The following PPP2R2C variants were observed in gnomAD, a reference collection of about 807,000 sequenced individuals.
PPP2R2C encodes protein phosphatase 2, regulatory subunit B, gamma.
Under a neutral mutation model 45.3 loss-of-function variants are expected in PPP2R2C, and 10 were observed. That is an observed-to-expected ratio of 0.22 (90% CI 0.14 to 0.37). The LOEUF is 0.37. Ranked by LOEUF, PPP2R2C falls within the 10% of genes least tolerant of loss-of-function variation. The probability of loss-of-function intolerance (pLI) is 1.00; values close to 1 mark genes in which losing one functional copy is unlikely to be tolerated. For synonymous variants in PPP2R2C, 257 were observed against 245.4 expected (o/e 1.05, Z -0.44); for missense variants, 308 against 619.7 (o/e 0.50, Z 5.34).
At chr4:6,351,435 A>T (rs1479591111) in intron 5 of PPP2R2C, 15 of 871,316 alleles carry the variant, frequency 1.7e-5, no homozygotes, top group Non-Finnish European at 2.1e-5. Context: ...GGGCACGGAC[A>T]CTCAATCGAG....
chr4:6,499,751 G>C (rs1722987519), intron 2 of PPP2R2C, among the ~76,000 whole-genome samples: 1 of 149,536 alleles, frequency 6.7e-6, no homozygotes, highest in African/African-American at 2.5e-5. Context: ...AAACAGAATG[G>C]ACCATTGAAC....
intron 5 of PPP2R2C, among the ~76,000 whole-genome samples, chr4:6,352,942 G>A (rs1208621788): frequency 6.6e-6 from 1 of 152,138 alleles, no homozygotes; most frequent in Admixed American, 6.5e-5. Flanking sequence ...AGACAGAAGA[G>A]GAGACACCAG....
chr4:6,355,648 C>T (rs1169643940), intron 5 of PPP2R2C, among the ~76,000 whole-genome samples: 1 of 151,678 alleles, frequency 6.6e-6, no homozygotes, highest in Non-Finnish European at 1.5e-5. Flanking sequence ...TCAAAGGAGC[C>T]GTCCCCCTGC....
At chr4:6,542,980 G>C (rs534093930) in intron 1 of PPP2R2C, among the ~76,000 whole-genome samples, 1 of 152,250 alleles carries the variant, frequency 6.6e-6, no homozygotes, top group Non-Finnish European at 1.5e-5. Context: ...AAAAAGCAGG[G>C]AGGCCTGCAT....
In PPP2R2C at chr4:6,372,752, G is replaced by A. The variant is rs1286976386; in HGVS notation, c.448-52C>T. 3 of 1,563,258 alleles carry A rather than the reference G, an allele frequency of 1.9e-6. No homozygotes were observed. In the Admixed American group the frequency reaches 5.0e-5, roughly 26 times the overall value. On this transcript the variant is annotated intron_variant, in intron 4 of 8. Transcript: ENST00000382599. ...AGGTGAAGGCCAGGTGGTGGCATCA[G>A]GACATAGCATGCCGTGAGCATGTGA...
At chr4:6,525,499 C>CT (rs940954506) in intron 2 of PPP2R2C, among the ~76,000 whole-genome samples, 30 of 140,002 alleles carry the variant, frequency 2.1e-4, no homozygotes, top group Admixed American at 2.1e-3. Context: ...CCAGAGAAAC[C>CT]TTAAAAAAAA....
At chr4:6,527,537 C>T (rs1237374377) in intron 2 of PPP2R2C, among the ~76,000 whole-genome samples, 4 of 152,230 alleles carry the variant, frequency 2.6e-5, no homozygotes, top group Non-Finnish European at 5.9e-5. Context: ...AGAACACAGC[C>T]CCACTCCTCA....
chr4:6,338,050 A>ACCTTCAGAGCTGCAC (rs1733125077), intron 6 of PPP2R2C, among the ~76,000 whole-genome samples: 1 of 151,958 alleles, frequency 6.6e-6, no homozygotes, highest in Non-Finnish European at 1.5e-5. Flanking sequence ...ACACACACAC[A>ACCTTCAGAGCTGCAC]CACCCCGCTG....
intron 1 of PPP2R2C, among the ~76,000 whole-genome samples, chr4:6,539,236 G>A (rs1264013078): frequency 2.0e-5 from 3 of 152,206 alleles, no homozygotes; most frequent in Non-Finnish European, 4.4e-5. Flanking sequence ...TTGGGATGAG[G>A]CTTCCACAAG....
intron 2 of PPP2R2C, among the ~76,000 whole-genome samples, chr4:6,530,809 T>C (rs1319758599): frequency 6.6e-6 from 1 of 152,206 alleles, no homozygotes; most frequent in African/African-American, 2.4e-5. Context: ...CCATCCCAAC[T>C]AAACCTCAAG....
chr4:6,463,452 AC>A, intron 1 of PPP2R2C, among the ~76,000 whole-genome samples: 1 of 152,262 alleles, frequency 6.6e-6, no homozygotes, highest in East Asian at 1.9e-4. Context: ...GGCAGCCCAC[AC>A]CCCAGCTGGG....
chr4:6,355,551 C>CAAA (rs566926127), intron 5 of PPP2R2C, among the ~76,000 whole-genome samples: 31 of 78,962 alleles, frequency 3.9e-4, no homozygotes, highest in African/African-American at 1.2e-3. Context: ...ACAGAAAGCA[C>CAAA]AAAAAAAAAA....
At chr4:6,544,677 G>T (rs1276099092) in intron 1 of PPP2R2C, among the ~76,000 whole-genome samples, 1 of 152,238 alleles carries the variant, frequency 6.6e-6, no homozygotes, top group Admixed American at 6.5e-5. Flanking sequence ...TTTGCACAAA[G>T]TGTCCCCCTG....
In PPP2R2C at chr4:6,364,518, T is replaced by G. The variant is rs1714100355; in HGVS notation, c.625+8005A>C. 6.6e-6 allele frequency among the ~76,000 whole-genome samples: 1 copy of G among 151,466 alleles called. No individual in the cohort carries two copies. Among genetic ancestry groups the G allele is most frequent in the African/African-American group, 2.4e-5 (1 of 41,214 alleles). On this transcript the variant is annotated intron_variant, in intron 5 of 8. Transcript: ENST00000382599. The surrounding 1 kb of genome is among the most constrained non-coding windows in gnomAD (Gnocchi z 5.3). ...TCTCATGTTGTAGGAGAACAGACTG[T>G]AAGGAGACACCTGGGGAAACACAGC...
intron 1 of PPP2R2C, among the ~76,000 whole-genome samples, chr4:6,559,466 C>T (rs531928236): frequency 9.2e-5 from 14 of 152,028 alleles, no homozygotes; most frequent in Non-Finnish European, 2.1e-4. Flanking sequence ...TCACCCAGGG[C>T]TGCAAATTTG....
chr4:6,512,497 G>T (rs1368869428), intron 2 of PPP2R2C, among the ~76,000 whole-genome samples: 1 of 113,192 alleles, frequency 8.8e-6, no homozygotes, highest in East Asian at 4.5e-4. Context: ...GGTGATGGTG[G>T]TGGTGGTGGT....
chr4:6,371,342 C>A (rs993257113), intron 5 of PPP2R2C, among the ~76,000 whole-genome samples: 2 of 152,208 alleles, frequency 1.3e-5, no homozygotes, highest in Non-Finnish European at 2.9e-5. Context: ...GGATCTCAGA[C>A]CACAAAAGCC....
intron 5 of PPP2R2C, among the ~76,000 whole-genome samples, chr4:6,363,402 C>A (rs1713995493): frequency 6.6e-6 from 1 of 151,990 alleles, no homozygotes; most frequent in Non-Finnish European, 1.5e-5. Flanking sequence ...CACGGTGAAA[C>A]CCCGTCTCTA....
intron 1 of PPP2R2C, among the ~76,000 whole-genome samples, chr4:6,550,620 G>C (rs1725153899): frequency 6.6e-6 from 1 of 152,180 alleles, no homozygotes; most frequent in East Asian, 1.9e-4. Flanking sequence ...ATATTTCGCA[G>C]AGCATCTTAG....
Sources: allele counts gnomAD v4.1 joint callset (sites outside exome capture counted in the v4.1 genomes callset), GRCh38; gene constraint gnomAD v4.1.1; non-coding constraint Gnocchi (gnomAD v3.1); transcripts MANE v1.5; gene names NCBI Gene and HGNC (gene_info 2026-07-23, HGNC 2026-07-21).